Variants in ZEB1 observed in about 807,000 individuals in gnomAD.
ZEB1 encodes the protein zinc finger E-box binding homeobox 1, also known as zinc finger E-box-binding homeobox 1.
In ZEB1, 21 loss-of-function variants were observed where a neutral mutation model predicts 84.9. That is an observed-to-expected ratio of 0.25 (90% CI 0.18 to 0.36). The LOEUF is 0.36. ZEB1 is among the 10% of genes least tolerant of loss of function. ZEB1 has a pLI of 1.00. For synonymous variants in ZEB1, 420 were observed against 471.1 expected, an observed-to-expected ratio of 0.89 and a Z score of 1.41; for missense variants, 1,104 against 1,330.2, an observed-to-expected ratio of 0.83 and a Z score of 2.65.
intron 1 of ZEB1, among the ~76,000 whole-genome samples, chr10:31,446,375 A>G (rs1385292345): frequency 6.6e-6 from 1 of 151,836 alleles, no homozygotes; most frequent in African/African-American, 2.4e-5. Flanking sequence ...TCCTGGATTC[A>G]TTGATTTTTT....
At chr10:31,524,576 T>G (rs1168220336) in intron 8 of ZEB1, among the ~76,000 whole-genome samples, 3 of 152,210 alleles carry the variant, frequency 2.0e-5, no homozygotes, top group African/African-American at 7.2e-5. Context: ...CACTTCTACC[T>G]AGTACTTAAG....
intron 1 of ZEB1, among the ~76,000 whole-genome samples, chr10:31,371,655 C>T (rs1234845546): frequency 6.6e-6 from 1 of 152,108 alleles, no homozygotes; most frequent in African/African-American, 2.4e-5. Context: ...ACTCACTCTC[C>T]CCCATCATAT....
At chr10:31,507,204 T>G (rs1307176251) in intron 4 of ZEB1, among the ~76,000 whole-genome samples, 2 of 152,164 alleles carry the variant, frequency 1.3e-5, no homozygotes, top group East Asian at 3.8e-4. Flanking sequence ...AAACTGCTAT[T>G]AGTCGTATGG....
rs754149862 is a variant in ZEB1 at position 31,461,075 on chromosome 10, T to G, written c.97T>G (p.Ser33Ala). ...TACTGTGGTAGAAACAAATTCAGAT[T>G]CAGATGATGAAGACAAACTGCATAT... is the stretch of plus-strand genomic sequence containing the variant. ...YNTVVETNSD[S>A]DDEDKLHIVE... Residue 33 changes from serine (S) to alanine (A), a missense_variant, in exon 2 of 9, where the codon TCA (serine) becomes GCA (alanine). By Grantham distance (99) the Ser-to-Ala change is moderately conservative (BLOSUM62 1). Transcript: ENST00000424869. 7 of 1,613,120 alleles carry G rather than the reference T, an allele frequency of 4.3e-6. No individual in the cohort carries two copies. Among genetic ancestry groups the G allele is most frequent in the Non-Finnish European group, 5.1e-6 (6 of 1,179,586 alleles).
intron 5 of ZEB1, among the ~76,000 whole-genome samples, chr10:31,511,753 A>C (rs1014285727): frequency 6.6e-6 from 1 of 152,148 alleles, no homozygotes; most frequent in Non-Finnish European, 1.5e-5. Flanking sequence ...GATGTACCTA[A>C]TATGTGTCAC....
chr10:31,363,760 C>T (rs2043860913), intron 1 of ZEB1: 2 of 1,263,208 alleles, frequency 1.6e-6, no homozygotes, highest in Non-Finnish European at 2.2e-6. Flanking sequence ...GGGGGGGCTC[C>T]AGACCACAGG....
intron 1 of ZEB1, among the ~76,000 whole-genome samples, chr10:31,365,219 T>C (rs2044225476): frequency 2.6e-5 from 4 of 152,226 alleles, no homozygotes; most frequent in African/African-American, 9.6e-5. Flanking sequence ...AGTAGATCAA[T>C]GTATTGGATT....
intron 2 of ZEB1, among the ~76,000 whole-genome samples, chr10:31,462,289 C>A (rs2061908692): frequency 6.6e-6 from 1 of 152,152 alleles, no homozygotes; most frequent in African/African-American, 2.4e-5. Context: ...GTAATCAGCC[C>A]TCTCATTTTA....
chr10:31,391,231 T>TTC (rs1554835630), intron 1 of ZEB1, among the ~76,000 whole-genome samples: 4 of 134,690 alleles, frequency 3.0e-5, no homozygotes, highest in African/African-American at 8.6e-5. Context: ...ACAGGTAAGT[T>TTC]TGTGTGTGTG....
upstream of ZEB1, chr10:31,318,616 C>T (rs2132791631): frequency 6.5e-6 from 1 of 153,606 alleles, no homozygotes; most frequent in African/African-American, 2.4e-5. Flanking sequence ...TCCTCGCCGT[C>T]CCCAAACCTG....
At chr10:31,407,675 C>T (rs2053384982) in intron 1 of ZEB1, among the ~76,000 whole-genome samples, 1 of 152,004 alleles carries the variant, frequency 6.6e-6, no homozygotes, top group Non-Finnish European at 1.5e-5. Context: ...CAGAAAAGGC[C>T]TTTGACAAAA....
At chr10:31,377,438 A>G (rs966246553) in intron 1 of ZEB1, among the ~76,000 whole-genome samples, 2 of 151,740 alleles carry the variant, frequency 1.3e-5, no homozygotes, top group African/African-American at 4.8e-5. Flanking sequence ...TTAGCATCTC[A>G]GTACCCTTAT....
chr10:31,323,455 C>T (rs2034639302), intron 1 of ZEB1, among the ~76,000 whole-genome samples: 1 of 152,034 alleles, frequency 6.6e-6, no homozygotes, highest in Non-Finnish European at 1.5e-5. Flanking sequence ...AACTAGCAGT[C>T]ACTTAGATGT....
chr10:31,409,555 A>G (rs891428981), intron 1 of ZEB1, among the ~76,000 whole-genome samples: 7 of 152,208 alleles, frequency 4.6e-5, no homozygotes, highest in African/African-American at 7.2e-5. Flanking sequence ...AAGAGAGTCA[A>G]TGGTAGCTTG....
chr10:31,505,821 A>G (rs1292419132), intron 4 of ZEB1, among the ~76,000 whole-genome samples: 1 of 150,850 alleles, frequency 6.6e-6, no homozygotes, highest in East Asian at 2.0e-4. Flanking sequence ...TTGCTTTTCT[A>G]AGTTCTTGAG....
intron 1 of ZEB1, among the ~76,000 whole-genome samples, chr10:31,339,134 A>G (rs1442950356): frequency 1.3e-5 from 2 of 152,154 alleles, no homozygotes; most frequent in South Asian, 2.1e-4. Context: ...CATTTACTGT[A>G]GAAGTTCTTG....
intron 1 of ZEB1, among the ~76,000 whole-genome samples, chr10:31,398,184 T>A (rs970215662): frequency 6.6e-6 from 1 of 152,290 alleles, no homozygotes; most frequent in Middle Eastern, 3.4e-3. Flanking sequence ...AGACACCACT[T>A]AAGGCAAAGA....
At chr10:31,395,680 A>G (rs1013625959) in intron 1 of ZEB1, among the ~76,000 whole-genome samples, 10 of 152,178 alleles carry the variant, frequency 6.6e-5, no homozygotes, top group Admixed American at 2.6e-4. Flanking sequence ...ACCTGATTTT[A>G]AAGGAAGATT....
chr10:31,387,155 A>G lies in ZEB1; in HGVS notation c.58+67863A>G, dbSNP rs1021413820. The G allele has an allele frequency of 3.0e-6, 3 of 985,724 alleles. No individual in the cohort carries two copies. In the African/African-American group the frequency reaches 5.2e-5, roughly 17 times the overall value. 61.1% of individuals were successfully genotyped at this position (985,724 alleles called of 1,614,324 possible). On this transcript the variant is annotated intron_variant, in intron 1 of 8. Coordinates refer to ENST00000424869, the MANE Select transcript of ZEB1 (RefSeq NM_001174096.2). ...CTTAAACTTCCACCACAAGAGGAAT[A>G]TAAAGAGGTCCCTCCTGCACCAAGA...
Sources: gnomAD v4.1 joint callset for allele counts (sites outside exome capture counted in the v4.1 genomes callset) on GRCh38, gnomAD v4.1.1 for gene constraint, MANE v1.5 for transcripts, NCBI Gene and HGNC (gene_info 2026-07-23, HGNC 2026-07-21) for gene names.